ANKRD28: variants seen among roughly 807,000 people sequenced by gnomAD.
ANKRD28 encodes ankyrin repeat domain 28.
Under a neutral mutation model 126.5 loss-of-function variants are expected in ANKRD28, and 44 were observed. That is an observed-to-expected ratio of 0.35 (90% confidence interval 0.27 to 0.45). The LOEUF (loss-of-function observed/expected upper bound fraction) is 0.45, where lower values mean the gene tolerates loss of function less well. Among genes scored for constraint, ANKRD28 ranks in the 20% least tolerant of loss-of-function variants. The pLI is 1.00. For missense variants in ANKRD28, 1,110 were observed against 1,316.6 expected (o/e 0.84, Z 2.43); for synonymous variants, 442 against 468.5 (o/e 0.94, Z 0.73).
At chr3:15,825,427 T>G (rs1373080410) in intron 1 of ANKRD28, among the ~76,000 whole-genome samples, 1 of 152,124 alleles carries the variant, frequency 6.6e-6, no homozygotes, top group Non-Finnish European at 1.5e-5. Flanking sequence ...AAAATTTATA[T>G]GGAAGACCAA....
Position 15,838,915 on chromosome 3 carries a change from A to AACGAT in ANKRD28, c.27+20461_27+20462insATCGT, listed in dbSNP as rs1342893993. On this transcript the variant is annotated intron_variant, in intron 1 of 27. Coordinates refer to the ANKRD28 transcript ENST00000399451. This position sits in a 1 kb window ranked among gnomAD's most constrained non-coding sequence, Gnocchi z 4.0. Reference sequence around the variant, plus strand: ...AATATGTGATATATCCATACAATGGAATACTATTCAGCAACGAAGAACCAA... The same window carrying AACGAT: ...AATATGTGATATATCCATACAATGGAACGATATACTATTCAGCAACGAAGAACCAA... Among the ~76,000 whole-genome samples, 143 of 152,352 alleles carry AACGAT rather than the reference A, an allele frequency of 9.4e-4. No homozygotes were observed. Among genetic ancestry groups the AACGAT allele is most frequent in the African/African-American group, 3.4e-3 (141 of 41,586 alleles).
At chr3:15,686,600 T>G (rs1317777366) in intron 18 of ANKRD28, 1 of 416,080 alleles carries the variant, frequency 2.4e-6, no homozygotes, top group Non-Finnish European at 4.4e-6. Flanking sequence ...TCTGGCAATG[T>G]GGTCAGGAAG....
chr3:15,714,090 T>C (rs2072682153), intron 9 of ANKRD28, among the ~76,000 whole-genome samples: 1 of 152,142 alleles, frequency 6.6e-6, no homozygotes, highest in Non-Finnish European at 1.5e-5. Context: ...GAATATGCCT[T>C]GGAAAACACT....
chr3:15,670,959 T>TA (rs1380925298), intron 27 of ANKRD28, among the ~76,000 whole-genome samples: 3 of 152,134 alleles, frequency 2.0e-5, no homozygotes, highest in Admixed American at 6.5e-5. Context: ...TAAGAAAAAA[T>TA]AAAAAAATTT....
At chr3:15,795,577 C>A (rs1033554796) in intron 1 of ANKRD28, among the ~76,000 whole-genome samples, 1 of 152,124 alleles carries the variant, frequency 6.6e-6, no homozygotes, top group Admixed American at 6.5e-5. Context: ...TAAGTAGAAG[C>A]CTTTTGTTTC....
At chr3:15,700,935 A>G (rs905659365) in intron 14 of ANKRD28, among the ~76,000 whole-genome samples, 5 of 152,212 alleles carry the variant, frequency 3.3e-5, no homozygotes, top group African/African-American at 7.2e-5. Flanking sequence ...TAAATAATCT[A>G]AAGTGTATTC....
At chr3:15,850,676 C>T (rs888185257) in intron 1 of ANKRD28, among the ~76,000 whole-genome samples, 1 of 152,162 alleles carries the variant, frequency 6.6e-6, no homozygotes, top group African/African-American at 2.4e-5. Context: ...CCAGAGAGGG[C>T]ATGGAAGCTT....
chr3:15,714,658 TG>T lies in ANKRD28; in HGVS notation c.997-3del, dbSNP rs756256663. The T allele has an allele frequency of 2.1e-4, 328 of 1,571,608 alleles. No individual in the cohort carries two copies. The highest frequency in any genetic ancestry group is 6.0e-4 in the Admixed American group (30 of 49,992). On this transcript the variant is annotated splice_polypyrimidine_tract_variant and splice_region_variant and intron_variant, in intron 8 of 27. Transcript: ENST00000683139. ...TAGTGGGGTTTTCCCATCTTTACTC[TG>T]GGGGGGGAAGAAAAAAATTACTCAC... is the stretch of plus-strand genomic sequence containing the variant.
At position 15,814,368 on chromosome 3, in the gene ANKRD28, A is replaced by G; in HGVS notation, c.28-19062T>C. The G allele has an allele frequency of 2.1e-6, 2 of 942,086 alleles. No homozygotes were observed. Among genetic ancestry groups the G allele is most frequent in the Non-Finnish European group, 2.8e-6 (2 of 710,456 alleles). The allele number at this position is 942,086 out of a possible 1,614,324, so 58.4% of individuals were successfully genotyped here. ...ACGCTGATCCTAGAAATTAAGGGCTATGTTATTTATAAATAACTAGTACCT... is the reference window on the plus strand; with the variant it reads ...ACGCTGATCCTAGAAATTAAGGGCTGTGTTATTTATAAATAACTAGTACCT... On this transcript the variant is annotated intron_variant, in intron 1 of 27. Transcript: ENST00000399451. This position sits in a 1 kb window ranked among gnomAD's most constrained non-coding sequence, Gnocchi z 4.7.
intron 2 of ANKRD28, among the ~76,000 whole-genome samples, chr3:15,780,122 A>C (rs2059475968): frequency 6.6e-6 from 1 of 152,216 alleles, no homozygotes; most frequent in South Asian, 2.1e-4. Flanking sequence ...ATAAAAAAGA[A>C]AGAAATGAAA....
upstream of ANKRD28, among the ~76,000 whole-genome samples, chr3:15,800,245 G>A (rs746644765): frequency 6.6e-6 from 1 of 152,078 alleles, no homozygotes; most frequent in Non-Finnish European, 1.5e-5. Flanking sequence ...GAGAAATAGA[G>A]TAACAGTACA....
chr3:15,730,612 G>A (rs1336746042), intron 6 of ANKRD28, among the ~76,000 whole-genome samples: 2 of 152,190 alleles, frequency 1.3e-5, no homozygotes, highest in African/African-American at 4.8e-5. Flanking sequence ...CCAGTCAATA[G>A]CTTCTTACTT....
intron 1 of ANKRD28, among the ~76,000 whole-genome samples, chr3:15,832,355 G>C (rs935781422): frequency 6.6e-6 from 1 of 152,074 alleles, no homozygotes; most frequent in Non-Finnish European, 1.5e-5. Flanking sequence ...TTATGTGTAG[G>C]GGTGCTGAGC....
chr3:15,728,436 G>GGA (rs2125044264), intron 6 of ANKRD28, among the ~76,000 whole-genome samples: 1 of 152,276 alleles, frequency 6.6e-6, no homozygotes, highest in South Asian at 2.1e-4. Flanking sequence ...TAGGACTACA[G>GGA]ATGCATGCCA....
chr3:15,843,086 C>A lies in ANKRD28; in HGVS notation c.27+16291G>T, dbSNP rs1292547023. On this transcript the variant is annotated intron_variant, in intron 1 of 27. Transcript: ENST00000399451. This position sits in a 1 kb window ranked among gnomAD's most constrained non-coding sequence, Gnocchi z 5.2. Reference sequence around the variant, plus strand: ...CTGGCTCATCCTTTTGCAGGCTATACAGGAATCATAGTGGTATCTGCTTCC... The same window carrying A: ...CTGGCTCATCCTTTTGCAGGCTATAAAGGAATCATAGTGGTATCTGCTTCC... 1.3e-5 allele frequency among the ~76,000 whole-genome samples: 2 copies of A among 152,142 alleles called. No individual in the cohort carries two copies. Among genetic ancestry groups the A allele is most frequent in the African/African-American group, 4.8e-5 (2 of 41,424 alleles).
chr3:15,791,715 C>A (rs984005712), intron 2 of ANKRD28, among the ~76,000 whole-genome samples: 2 of 152,138 alleles, frequency 1.3e-5, no homozygotes, highest in South Asian at 4.1e-4. Context: ...CAATAGCCCA[C>A]AAGCACAGGC....
chr3:15,829,780 A>T (rs1269486500), intron 1 of ANKRD28, among the ~76,000 whole-genome samples: 1 of 152,138 alleles, frequency 6.6e-6, no homozygotes, highest in Non-Finnish European at 1.5e-5. Flanking sequence ...TGGAAGCTCA[A>T]ATTTCATCAT....
At chr3:15,771,593 A>G (rs1262610950) in intron 2 of ANKRD28, among the ~76,000 whole-genome samples, 1 of 152,122 alleles carries the variant, frequency 6.6e-6, no homozygotes. Context: ...TAGGAGAGCT[A>G]GAACTCACTC....
At chr3:15,695,613 A>G (rs995706703) in intron 15 of ANKRD28, among the ~76,000 whole-genome samples, 5 of 152,154 alleles carry the variant, frequency 3.3e-5, no homozygotes, top group African/African-American at 9.6e-5. Context: ...ACACACATGA[A>G]TATCTTTTCC....
Sources: allele counts gnomAD v4.1 joint callset (sites outside exome capture counted in the v4.1 genomes callset), GRCh38; gene constraint gnomAD v4.1.1; non-coding constraint Gnocchi (gnomAD v3.1); transcripts MANE v1.5; gene names NCBI Gene and HGNC (gene_info 2026-07-23, HGNC 2026-07-21).